The following PRDM11 variants were observed in gnomAD, a reference collection of about 807,000 sequenced individuals.
PRDM11 encodes PR/SET domain 11.
Under a neutral mutation model 97.8 loss-of-function variants are expected in PRDM11, and 20 were observed. The observed-to-expected ratio is 0.20, with a 90% CI of 0.14 to 0.30. The LOEUF (loss-of-function observed/expected upper bound fraction) is 0.30, where lower values mean the gene tolerates loss of function less well. PRDM11 is among the 10% of genes least tolerant of loss of function. The pLI, the probability that PRDM11 is intolerant of heterozygous loss-of-function variation, is 1.00. For synonymous variants in PRDM11, 599 were observed against 637.7 expected, an observed-to-expected ratio of 0.94 and a Z score of 0.91; for missense variants, 1,139 against 1,555.2, an observed-to-expected ratio of 0.73 and a Z score of 4.50.
At chr11:45,181,177 G>C (rs1261900273) in intron 1 of PRDM11, among the ~76,000 whole-genome samples, 5 of 152,182 alleles carry the variant, frequency 3.3e-5, no homozygotes, top group Non-Finnish European at 7.4e-5. Context: ...GGTAAGCGGC[G>C]GGCTGGGGAG....
chr11:45,182,720 A>G, intron 3 of PRDM11, 141 bp from the exon 4 acceptor site: 1 of 1,038,188 alleles, frequency 9.6e-7, no homozygotes, highest in East Asian at 2.4e-5. Context: ...CAGGGAGAGT[A>G]TGGGTTATTG....
intron 5 of PRDM11, among the ~76,000 whole-genome samples, chr11:45,215,580 A>C (rs1313274328): frequency 6.6e-6 from 1 of 152,220 alleles, no homozygotes; most frequent in Non-Finnish European, 1.5e-5. Context: ...TCAGAGCAAA[A>C]GGGACAGTGA....
chr11:45,130,376 A>T (rs777051769), intron 1 of PRDM11, among the ~76,000 whole-genome samples: 4 of 152,204 alleles, frequency 2.6e-5, no homozygotes, highest in Non-Finnish European at 5.9e-5. Context: ...CAATAAAACA[A>T]AAAACAATTA....
chr11:45,152,627 C>T (rs1851687619), intron 1 of PRDM11, among the ~76,000 whole-genome samples: 1 of 152,192 alleles, frequency 6.6e-6, no homozygotes, highest in African/African-American at 2.4e-5. Context: ...ATTAATTGAG[C>T]ACTTACTGTG....
At chr11:45,220,706 A>T (rs937202821) in intron 6 of PRDM11, among the ~76,000 whole-genome samples, 1 of 152,184 alleles carries the variant, frequency 6.6e-6, no homozygotes, top group Non-Finnish European at 1.5e-5. Flanking sequence ...AGATGAGGTG[A>T]AAAAACAATC....
chr11:45,192,052 A>G (rs761241242), intron 4 of PRDM11, among the ~76,000 whole-genome samples: 88 of 150,942 alleles, frequency 5.8e-4, no homozygotes, highest in Non-Finnish European at 1.1e-3. Context: ...CCCTGTGTCC[A>G]TGTGTTCTCA....
At chr11:45,134,596 G>C (rs1045876620) in intron 1 of PRDM11, among the ~76,000 whole-genome samples, 23 of 151,030 alleles carry the variant, frequency 1.5e-4, no homozygotes, top group African/African-American at 5.6e-4. Context: ...CTACTTGGGA[G>C]GCTGAGGTGG....
At chr11:45,164,486 T>C (rs1290706700) in intron 1 of PRDM11, among the ~76,000 whole-genome samples, 2 of 152,168 alleles carry the variant, frequency 1.3e-5, no homozygotes, top group Non-Finnish European at 1.5e-5. Context: ...GCAAGAGAAA[T>C]GGAAATGGCT....
intron 1 of PRDM11, among the ~76,000 whole-genome samples, chr11:45,147,868 AAC>A (rs1457907122): frequency 6.6e-6 from 1 of 152,160 alleles, no homozygotes; most frequent in Admixed American, 6.5e-5. Flanking sequence ...GCTGTAAGGA[AAC>A]ACACCCAGCC....
chr11:45,213,175 A>G, intron 5 of PRDM11: 1 of 456,564 alleles, frequency 2.2e-6, no homozygotes, highest in South Asian at 1.5e-5. Flanking sequence ...TTACCTCCTC[A>G]CCGAGCGCAG....
intron 1 of PRDM11, among the ~76,000 whole-genome samples, chr11:45,113,807 T>TA (rs1374387695): frequency 4.3e-5 from 6 of 139,510 alleles, no homozygotes; most frequent in Non-Finnish European, 9.1e-5. Flanking sequence ...TGTGTGTGTG[T>TA]GTGTGTGTGT....
intron 1 of PRDM11, among the ~76,000 whole-genome samples, chr11:45,100,207 G>C (rs1411555782): frequency 6.6e-6 from 1 of 152,166 alleles, no homozygotes; most frequent in East Asian, 1.9e-4. Flanking sequence ...GAAAGTTTGA[G>C]TAATTAAGAG....
At position 45,219,879 on chromosome 11, in the gene PRDM11, G is replaced by C; in HGVS notation, c.742+122G>C. On this transcript the variant is annotated intron_variant, in intron 6 of 7. Transcript: ENST00000683152. The surrounding 1 kb of genome is among the most constrained non-coding windows in gnomAD (Gnocchi z 4.2). ...GCAATGGGAAGACCCAGAGTGATTC[G>C]GGGGAACAGATGGTTGAGGTCTGAG... 1 of 1,221,728 alleles carries C rather than the reference G, an allele frequency of 8.2e-7. No homozygotes were observed. Among genetic ancestry groups the C allele is most frequent in the Non-Finnish European group, 1.1e-6 (1 of 899,528 alleles). The allele number at this position is 1,221,728 out of a possible 1,614,324, so 75.7% of individuals were successfully genotyped here. A position where few individuals can be genotyped will look rare whatever the true frequency, so the allele number is the denominator to read the frequency against.
rs945761195 is a variant in PRDM11 at position 45,228,650 on chromosome 11, G to C, written c.*491G>C. 3.3e-5 allele frequency: 5 copies of C among 152,124 alleles called. No homozygotes were observed. The highest frequency in any genetic ancestry group is 1.2e-4 in the African/African-American group (5 of 41,412). 9.4% of individuals were successfully genotyped at this position (152,124 alleles called of 1,614,324 possible). A position where few individuals can be genotyped will look rare whatever the true frequency, so the allele number is the denominator to read the frequency against. On this transcript the variant is annotated 3_prime_UTR_variant, in exon 8 of 8. Transcript: ENST00000683152. ...TCCTCAGCCTCCTCATTGACATTCT[G>C]GTCCGGCTGAATCAGATCTCTGACT... is the stretch of plus-strand genomic sequence containing the variant.
intron 1 of PRDM11, chr11:45,147,461 C>T (rs2135676918): frequency 6.6e-6 from 1 of 152,360 alleles, no homozygotes; most frequent in South Asian, 2.1e-4. Context: ...CGCGATTGCC[C>T]GCGAAGCGTG....
chr11:45,175,056 C>G (rs1238176199), intron 1 of PRDM11, among the ~76,000 whole-genome samples: 1 of 152,230 alleles, frequency 6.6e-6, no homozygotes, highest in South Asian at 2.1e-4. Context: ...ACCCTGCCCC[C>G]ACACACATCC....
intron 1 of PRDM11, among the ~76,000 whole-genome samples, chr11:45,119,418 G>A (rs958736902): frequency 2.6e-5 from 4 of 152,046 alleles, no homozygotes; most frequent in African/African-American, 9.7e-5. Flanking sequence ...ACGAGGTCAG[G>A]AGATCGAGAC....
intron 1 of PRDM11, among the ~76,000 whole-genome samples, chr11:45,127,636 G>T (rs1174434247): frequency 1.3e-5 from 2 of 152,220 alleles, no homozygotes; most frequent in Non-Finnish European, 2.9e-5. Flanking sequence ...CAGCAGCGGT[G>T]GCTGCAGAAC....
chr11:45,226,971 G>T lies in PRDM11; in HGVS notation c.2346G>T (p.Glu782Asp). The T allele has an allele frequency of 1.3e-6, 2 of 1,533,960 alleles. No individual in the cohort carries two copies. The highest frequency in any genetic ancestry group is 1.7e-6 in the Non-Finnish European group (2 of 1,146,730). ...AISGKELPCLEELENNLKQLL... is the reference protein window; with the variant it reads ...AISGKELPCLDELENNLKQLL... ...GCGGGAAGGAGCTCCCATGCCTGGA[G>T]GAGCTGGAGAACAACCTGAAGCAGC... Residue 782 changes from glutamate (E) to aspartate (D), a missense_variant, in exon 8 of 8, where the codon GAG (glutamate) becomes GAT (aspartate). Physicochemically the swap from Glu to Asp is conservative, Grantham distance 45 (BLOSUM62 2). Transcript: ENST00000683152.
Sources: gnomAD v4.1 joint callset for allele counts (sites outside exome capture counted in the v4.1 genomes callset) on GRCh38, gnomAD v4.1.1 for gene constraint, Gnocchi (gnomAD v3.1) non-coding constraint, MANE v1.5 for transcripts, NCBI Gene and HGNC (gene_info 2026-07-23, HGNC 2026-07-21) for gene names.